Variants in C12orf42 observed in about 807,000 individuals in gnomAD.
The protein encoded by C12orf42 is chromosome 12 open reading frame 42.
In C12orf42, 25 loss-of-function variants were observed where a neutral mutation model predicts 21.6. That is an observed-to-expected ratio of 1.16 (90% CI 0.84 to 1.62). The LOEUF is 1.62. Ranked by LOEUF, C12orf42 falls within the 40% of genes most tolerant of loss-of-function variation. The pLI is 0.00. For missense variants in C12orf42, 483 were observed against 459.3 expected (o/e 1.05, Z -0.47); for synonymous variants, 174 against 175.0 (o/e 0.99, Z 0.05).
chr12:103,264,872 C>G (rs185347808), downstream of C12orf42, among the ~76,000 whole-genome samples: 57 of 152,162 alleles, frequency 3.7e-4, no homozygotes, highest in Middle Eastern at 3.4e-3. Flanking sequence ...CTTTATTTAT[C>G]TAGCTGCCTA....
intron 4 of C12orf42, among the ~76,000 whole-genome samples, chr12:103,291,591 G>T (rs1036079211): frequency 6.6e-6 from 1 of 152,050 alleles, no homozygotes; most frequent in African/African-American, 2.4e-5. Flanking sequence ...CTAAATAAGG[G>T]GTGAATTATT....
intron 3 of C12orf42, among the ~76,000 whole-genome samples, chr12:103,385,352 TG>T (rs890406380): frequency 6.6e-6 from 1 of 152,218 alleles, no homozygotes; most frequent in Non-Finnish European, 1.5e-5. Flanking sequence ...TGTATACGCC[TG>T]GAACTGAATA....
intron 2 of C12orf42, among the ~76,000 whole-genome samples, chr12:103,403,850 T>C (rs771141024): frequency 2.0e-5 from 3 of 152,230 alleles, no homozygotes; most frequent in Non-Finnish European, 4.4e-5. Context: ...AAGCACTGAA[T>C]GCTGTCCCAA....
the C12orf42 span, among the ~76,000 whole-genome samples, chr12:103,145,147 A>T: frequency 2.6e-5 from 4 of 151,966 alleles, no homozygotes; most frequent in African/African-American, 9.7e-5. Flanking sequence ...TCCCCAAAAA[A>T]CTCAAACTTT....
chr12:103,491,103 T>A (rs1418954798), intron 1 of C12orf42, among the ~76,000 whole-genome samples: 1 of 152,224 alleles, frequency 6.6e-6, no homozygotes, highest in Non-Finnish European at 1.5e-5. Context: ...AACTTCTTTT[T>A]CCTTAAAACA....
At chr12:103,308,352 C>T (rs2038588641) in intron 4 of C12orf42, among the ~76,000 whole-genome samples, 2 of 152,180 alleles carry the variant, frequency 1.3e-5, no homozygotes, top group Admixed American at 1.3e-4. Context: ...AGTTGTTTCT[C>T]AGAGGTATAA....
chr12:103,359,316 C>T (rs1163340134), intron 4 of C12orf42, among the ~76,000 whole-genome samples: 2 of 151,940 alleles, frequency 1.3e-5, no homozygotes, highest in East Asian at 3.9e-4. Flanking sequence ...TGTGTTTCAT[C>T]AAACACACAG....
chr12:103,352,600 G>C (rs76252335), intron 4 of C12orf42, among the ~76,000 whole-genome samples: 439 of 152,088 alleles, frequency 2.9e-3, no homozygotes, highest in African/African-American at 9.7e-3. Flanking sequence ...TAAAGTCCCC[G>C]TGCACTAAGA....
At chr12:103,461,563 T>C (rs1324270584) in intron 2 of C12orf42, among the ~76,000 whole-genome samples, 1 of 152,220 alleles carries the variant, frequency 6.6e-6, no homozygotes, top group Non-Finnish European at 1.5e-5. Flanking sequence ...TCTACATTTA[T>C]ACTTATGGAA....
chr12:103,097,256 G>A, the C12orf42 span, among the ~76,000 whole-genome samples: 2 of 151,770 alleles, frequency 1.3e-5, no homozygotes, highest in Admixed American at 6.6e-5. Context: ...TGAGCCGGTG[G>A]GTTTGGAGAT....
At chr12:103,216,374 T>C in the C12orf42 span, among the ~76,000 whole-genome samples, 1 of 150,996 alleles carries the variant, frequency 6.6e-6, no homozygotes, top group Non-Finnish European at 1.5e-5. Flanking sequence ...TACTTTTTTT[T>C]CTTTTTTTTT....
the C12orf42 span, among the ~76,000 whole-genome samples, chr12:103,072,203 C>T: frequency 1.3e-5 from 2 of 152,150 alleles, no homozygotes; most frequent in African/African-American, 4.8e-5. Context: ...CTTCTTAATG[C>T]ACACATGGTA....
chr12:103,413,138 GGGTGAAAGCT>G (rs2048992810), intron 2 of C12orf42, among the ~76,000 whole-genome samples: 1 of 152,142 alleles, frequency 6.6e-6, no homozygotes, highest in African/African-American at 2.4e-5. Flanking sequence ...TTTTGTACAT[GGGTGAAAGCT>G]GGTGAAAGTA....
At chr12:103,395,631 G>A (rs1247207338) in intron 3 of C12orf42, among the ~76,000 whole-genome samples, 1 of 152,134 alleles carries the variant, frequency 6.6e-6, no homozygotes, top group African/African-American at 2.4e-5. Context: ...CACCACGCCA[G>A]GTCCAGACCC....
At chr12:103,557,478 G>T in the C12orf42 span, 1 of 152,158 alleles carries the variant, frequency 6.6e-6, no homozygotes, top group African/African-American at 2.4e-5. Context: ...GCACGTATTT[G>T]CCTGGAGGTC....
chr12:103,334,580 T>A (rs1421855593), intron 4 of C12orf42, among the ~76,000 whole-genome samples: 1 of 152,136 alleles, frequency 6.6e-6, no homozygotes, highest in Non-Finnish European at 1.5e-5. Context: ...TCACATACCA[T>A]GTGACTCCAA....
rs149844071 is a variant in C12orf42 at position 103,351,295 on chromosome 12, C to T, written c.259+17592G>A. 4.7e-3 allele frequency among the ~76,000 whole-genome samples: 720 copies of T among 152,220 alleles called. 3 individuals carry two copies. Among genetic ancestry groups the T allele is most frequent in the Non-Finnish European group, 8.1e-3 (548 of 68,010 alleles). On this transcript the variant is annotated intron_variant, in intron 4 of 5. Transcript: ENST00000548883. Reference sequence around the variant, plus strand: ...CATGTTTAAATAAGGTAAACGCCAACCTGTAACCTATCCAACTGTTTCTGT... The same window carrying T: ...CATGTTTAAATAAGGTAAACGCCAATCTGTAACCTATCCAACTGTTTCTGT...
chr12:103,521,108 C>A, the C12orf42 span, among the ~76,000 whole-genome samples: 1 of 152,196 alleles, frequency 6.6e-6, no homozygotes. Flanking sequence ...TCAGCTCCAG[C>A]AGCTAACGCA....
chr12:103,427,185 C>G (rs1211176029), intron 2 of C12orf42, among the ~76,000 whole-genome samples: 1 of 151,556 alleles, frequency 6.6e-6, no homozygotes, highest in Non-Finnish European at 1.5e-5. Context: ...AGAGTCAAGA[C>G]CCATCAGTGT....
Sources: allele counts gnomAD v4.1 joint callset (sites outside exome capture counted in the v4.1 genomes callset), GRCh38; gene constraint gnomAD v4.1.1; transcripts MANE v1.5; gene names NCBI Gene and HGNC (gene_info 2026-07-23, HGNC 2026-07-21).